Variants in LRRTM4 observed in about 807,000 individuals in gnomAD.
LRRTM4 encodes leucine-rich repeat transmembrane neuronal protein 4.
In LRRTM4, 25 loss-of-function variants were observed where a neutral mutation model predicts 47.6. That is an observed-to-expected ratio of 0.53 (90% CI 0.38 to 0.73). The LOEUF (loss-of-function observed/expected upper bound fraction) is 0.73, where lower values mean the gene tolerates loss of function less well. LRRTM4 is among the 30% of genes least tolerant of loss of function. The probability of loss-of-function intolerance (pLI) is 0.00; values close to 1 mark genes in which losing one functional copy is unlikely to be tolerated. For synonymous variants in LRRTM4, 311 were observed against 269.5 expected (o/e 1.15, Z -1.51); for missense variants, 638 against 713.4 (o/e 0.89, Z 1.20).
chr2:77,433,117 A>G (rs1241501496), intron 3 of LRRTM4, among the ~76,000 whole-genome samples: 1 of 152,208 alleles, frequency 6.6e-6, no homozygotes, highest in African/African-American at 2.4e-5. Context: ...GGTTAGTTTT[A>G]AGAAATAGTA....
intron 3 of LRRTM4, among the ~76,000 whole-genome samples, chr2:76,862,135 T>C (rs958260233): frequency 1.3e-5 from 2 of 152,132 alleles, no homozygotes; most frequent in African/African-American, 4.8e-5. Flanking sequence ...AACACTTGTT[T>C]GTTCCATTAT....
At chr2:76,879,299 A>G (rs1672862954) in intron 3 of LRRTM4, among the ~76,000 whole-genome samples, 1 of 152,002 alleles carries the variant, frequency 6.6e-6, no homozygotes, top group East Asian at 1.9e-4. Context: ...GGAAAGGGTG[A>G]CTCTCTTGTT....
chr2:77,061,200 G>C (rs1395019805), intron 3 of LRRTM4, among the ~76,000 whole-genome samples: 2 of 151,822 alleles, frequency 1.3e-5, no homozygotes, highest in Admixed American at 1.3e-4. Context: ...AAGCAAATTA[G>C]ATAATTGAAT....
chr2:77,273,755 A>AT (rs1676266915), intron 3 of LRRTM4, among the ~76,000 whole-genome samples: 1 of 152,112 alleles, frequency 6.6e-6, no homozygotes, highest in Non-Finnish European at 1.5e-5. Context: ...TTTGTATTTG[A>AT]TTTTTGACGC....
chr2:76,910,355 G>T (rs904019035), intron 3 of LRRTM4, among the ~76,000 whole-genome samples: 2 of 123,306 alleles, frequency 1.6e-5, no homozygotes, highest in Non-Finnish European at 3.3e-5. Context: ...GTGGGGTGGG[G>T]GGAGGGTGGA....
intron 3 of LRRTM4, among the ~76,000 whole-genome samples, chr2:76,787,846 C>G (rs1291190812): frequency 6.6e-6 from 1 of 152,072 alleles, no homozygotes; most frequent in Non-Finnish European, 1.5e-5. Flanking sequence ...TCTCACCAGT[C>G]CTTTAGGCAA....
chr2:77,185,186 A>G (rs1673466369), intron 3 of LRRTM4, among the ~76,000 whole-genome samples: 1 of 152,160 alleles, frequency 6.6e-6, no homozygotes, highest in Non-Finnish European at 1.5e-5. Context: ...CAGCTGCAGC[A>G]AGCTTAGAAG....
At chr2:76,897,078 T>A (rs979669709) in intron 3 of LRRTM4, among the ~76,000 whole-genome samples, 1 of 152,052 alleles carries the variant, frequency 6.6e-6, no homozygotes, top group Non-Finnish European at 1.5e-5. Flanking sequence ...AGAAAGGAGA[T>A]GATTGTTTAG....
At chr2:76,833,901 C>A (rs1671429920) in intron 3 of LRRTM4, among the ~76,000 whole-genome samples, 1 of 151,478 alleles carries the variant, frequency 6.6e-6, no homozygotes, top group Non-Finnish European at 1.5e-5. Context: ...TTAACTTTTC[C>A]CTTTTCCCTA....
chr2:77,023,905 T>C (rs1453293044), intron 3 of LRRTM4, among the ~76,000 whole-genome samples: 1 of 152,152 alleles, frequency 6.6e-6, no homozygotes, highest in African/African-American at 2.4e-5. Flanking sequence ...ACCAATTTAC[T>C]GTATTAGTCT....
At chr2:77,517,507 T>C in intron 3 of LRRTM4, 2 of 985,208 alleles carry the variant, frequency 2.0e-6, no homozygotes, top group Non-Finnish European at 2.4e-6. Flanking sequence ...GACCTGATTT[T>C]AGTTACCAGG....
At chr2:77,076,581 T>C (rs1680344412) in intron 3 of LRRTM4, among the ~76,000 whole-genome samples, 1 of 152,154 alleles carries the variant, frequency 6.6e-6, no homozygotes, top group South Asian at 2.1e-4. Context: ...TTATGTTTCT[T>C]CGGGGAATAG....
At chr2:77,008,002 A>G (rs1053279760) in intron 3 of LRRTM4, among the ~76,000 whole-genome samples, 1 of 152,196 alleles carries the variant, frequency 6.6e-6, no homozygotes, top group Non-Finnish European at 1.5e-5. Flanking sequence ...TATCTAAGGT[A>G]TTAATCTCCA....
chr2:76,816,819 G>GTTTTATTTTTT (rs1670910829), intron 3 of LRRTM4, among the ~76,000 whole-genome samples: 1 of 96,524 alleles, frequency 1.0e-5, no homozygotes, highest in Non-Finnish European at 2.5e-5. Flanking sequence ...GAGGTAAAGA[G>GTTTTATTTTTT]TTTTTTTTTT....
At chr2:77,220,689 G>C (rs1461607474) in intron 3 of LRRTM4, among the ~76,000 whole-genome samples, 1 of 152,198 alleles carries the variant, frequency 6.6e-6, no homozygotes, top group Non-Finnish European at 1.5e-5. Context: ...AAGCCTCCAA[G>C]AAATATGGGA....
chr2:77,465,665 A>C (rs1323844663), intron 3 of LRRTM4, among the ~76,000 whole-genome samples: 2 of 152,138 alleles, frequency 1.3e-5, no homozygotes, highest in Admixed American at 6.6e-5. Flanking sequence ...TCTCCAACCC[A>C]CCTAAACTTG....
intron 3 of LRRTM4, among the ~76,000 whole-genome samples, chr2:77,274,267 C>G (rs59026839): frequency 6.6e-6 from 1 of 151,962 alleles, no homozygotes; most frequent in South Asian, 2.1e-4. Flanking sequence ...AATGAGCATC[C>G]AGATGAGATA....
At chr2:77,243,142 G>A (rs1434331770) in intron 3 of LRRTM4, among the ~76,000 whole-genome samples, 1 of 152,210 alleles carries the variant, frequency 6.6e-6, no homozygotes, top group Non-Finnish European at 1.5e-5. Flanking sequence ...GCCAGGCACG[G>A]TGGCTCACGC....
At chr2:77,334,036 T>A (rs2104258123) in intron 3 of LRRTM4, among the ~76,000 whole-genome samples, 1 of 152,266 alleles carries the variant, frequency 6.6e-6, no homozygotes, top group South Asian at 2.1e-4. Flanking sequence ...CCCCGCTGGA[T>A]TTTGGACTTG....
Sources: allele counts gnomAD v4.1 joint callset (sites outside exome capture counted in the v4.1 genomes callset), GRCh38; gene constraint gnomAD v4.1.1; transcripts MANE v1.5; gene names NCBI Gene and HGNC (gene_info 2026-07-23, HGNC 2026-07-21).